The following RNF34 variants were observed in gnomAD, a reference collection of about 807,000 sequenced individuals.
RNF34 encodes the protein ring finger protein 34, also known as E3 ubiquitin-protein ligase RNF34.
RNF34 carries 12 observed loss-of-function variants against 37.9 expected under a neutral mutation model. That is an observed-to-expected ratio of 0.32 (90% CI 0.20 to 0.51). The LOEUF is 0.51. Ranked by LOEUF, RNF34 falls within the 20% of genes least tolerant of loss-of-function variation. The pLI is 0.97. For missense variants in RNF34, 362 were observed against 472.7 expected (o/e 0.77, Z 2.17); for synonymous variants, 155 against 177.2 (o/e 0.87, Z 1.00).
intron 1 of RNF34, among the ~76,000 whole-genome samples, chr12:121,404,545 C>T (rs1870337632): frequency 6.6e-6 from 1 of 151,838 alleles, no homozygotes; most frequent in Non-Finnish European, 1.5e-5. Flanking sequence ...CACCACCACA[C>T]CCAGCTAATT....
chr12:121,416,857 TTGG>T (rs1269622550), intron 2 of RNF34, among the ~76,000 whole-genome samples: 31 of 152,348 alleles, frequency 2.0e-4, no homozygotes, highest in African/African-American at 7.0e-4. Context: ...ACCCATCATA[TTGG>T]TAGGCCTCCT....
rs1160652872 is a variant in RNF34, at chr12:121,423,587, C to T, written c.*11C>T. 8 of 1,609,752 alleles carry T rather than the reference C, an allele frequency of 5.0e-6. No homozygotes were observed. The Admixed American group carries it at 6.7e-5, about 13-fold the overall frequency. On this transcript the variant is annotated 3_prime_UTR_variant, in exon 6 of 6. Coordinates refer to ENST00000361234, the MANE Select transcript of RNF34 (RefSeq NM_025126.4). The surrounding 1 kb of genome is among the most constrained non-coding windows in gnomAD (Gnocchi z 4.3). ...GTGTTCAAGTCCTGAAACAGGCTCC[C>T]CTCACCAGGACAGTCACCCCCAAAC...
At chr12:121,422,055 C>T (rs782399360) in intron 5 of RNF34, among the ~76,000 whole-genome samples, 95 of 152,286 alleles carry the variant, frequency 6.2e-4, no homozygotes, top group Admixed American at 1.0e-3. Flanking sequence ...GGTTTTCTGG[C>T]AGTGAGGGGA....
chr12:121,414,965 G>A (rs1593666349), intron 1 of RNF34, among the ~76,000 whole-genome samples: 1 of 152,136 alleles, frequency 6.6e-6, no homozygotes, highest in Non-Finnish European at 1.5e-5. Context: ...GCATGGTGGC[G>A]GATGCCTGTA....
At position 121,417,061 on chromosome 12, in the gene RNF34, T is replaced by C. The variant is rs985239237; in HGVS notation, c.226-443T>C. On this transcript the variant is annotated intron_variant, in intron 2 of 5. Coordinates refer to ENST00000361234, the MANE Select transcript of RNF34 (RefSeq NM_025126.4). The surrounding 1 kb of genome is among the most constrained non-coding windows in gnomAD (Gnocchi z 5.0). Reference sequence around the variant, plus strand: ...CTGTATTAGTGGGTCCTGTATTTTCTTGGATTCACCTTGAGAGATCAGTTG... The same window carrying C: ...CTGTATTAGTGGGTCCTGTATTTTCCTGGATTCACCTTGAGAGATCAGTTG... 6.6e-6 allele frequency among the ~76,000 whole-genome samples: 1 copy of C among 152,256 alleles called. No homozygotes were observed. The highest frequency in any genetic ancestry group is 6.5e-5 in the Admixed American group (1 of 15,278).
At chr12:121,403,499 A>G (rs1394882099) in intron 1 of RNF34, among the ~76,000 whole-genome samples, 1 of 152,162 alleles carries the variant, frequency 6.6e-6, no homozygotes. Flanking sequence ...GTTTAACCTA[A>G]CCAAGATTAA....
chr12:121,406,696 G>A (rs969735473), intron 1 of RNF34, among the ~76,000 whole-genome samples: 1 of 152,192 alleles, frequency 6.6e-6, no homozygotes, highest in Non-Finnish European at 1.5e-5. Flanking sequence ...AGAGTGGGTA[G>A]GAAAGGGATT....
chr12:121,417,784 C>G lies in RNF34; in HGVS notation c.506C>G (p.Ser169Cys). The change falls in exon 3 of 6, where the codon TCC becomes TGC. Residue 169 changes from serine (S) to cysteine (C), a missense_variant. By Grantham distance (112) the Ser-to-Cys change is moderately radical. Transcript: ENST00000361234. This position sits in a 1 kb window ranked among gnomAD's most constrained non-coding sequence, Gnocchi z 5.0. ...MDTSSLNSSR[S>C]QTSSFFTRSF... ...ACAAGCAGTCTGAATTCTTCAAGGT[C>G]CCAGACTTCTAGCTTTTTTACACGT... 6.2e-7 allele frequency: 1 copy of G among 1,614,156 alleles called. No homozygotes were observed. The highest frequency in any genetic ancestry group is 8.5e-7 in the Non-Finnish European group (1 of 1,180,024).
In RNF34 at chr12:121,423,088, C is replaced by T. The variant is rs1223972429; in HGVS notation, c.929-298C>T. Among the ~76,000 whole-genome samples, 1 of 152,200 alleles carries T rather than the reference C, an allele frequency of 6.6e-6. No individual in the cohort carries two copies. The highest frequency in any genetic ancestry group is 1.5e-5 in the Non-Finnish European group (1 of 68,034). ...TTCTAGTTACAGAAGTAATATATCCCTATCACAGATGTCTTGAATTAGACA... is the reference window on the plus strand; with the variant it reads ...TTCTAGTTACAGAAGTAATATATCCTTATCACAGATGTCTTGAATTAGACA... On this transcript the variant is annotated intron_variant, in intron 5 of 5. Coordinates refer to ENST00000361234, the MANE Select transcript of RNF34 (RefSeq NM_025126.4). The surrounding 1 kb of genome is among the most constrained non-coding windows in gnomAD (Gnocchi z 4.3).
At chr12:121,400,310 T>TAG in intron 1 of RNF34, 92 bp downstream of exon 1, 5 of 1,443,592 alleles carry the variant, frequency 3.5e-6, no homozygotes, top group Non-Finnish European at 4.7e-6. Context: ...CCTTAGCGGT[T>TAG]ACCTAGTCGT....
rs1872317987 is a variant in RNF34, at chr12:121,423,240, G to A, written c.929-146G>A. The stretch of plus-strand genomic sequence containing the variant: ...GTGGAGAGAACCAAAGTGCAGAGAA[G>A]TTGGGATTATTTCTTGTACAACACT... On this transcript the variant is annotated intron_variant, in intron 5 of 5. Transcript: ENST00000361234. The surrounding 1 kb of genome is among the most constrained non-coding windows in gnomAD (Gnocchi z 4.3). 1.7e-6 allele frequency: 1 copy of A among 586,084 alleles called. No homozygotes were observed. Among genetic ancestry groups the A allele is most frequent in the Admixed American group, 3.2e-5 (1 of 31,188 alleles). 36.3% of individuals were successfully genotyped at this position (586,084 alleles called of 1,614,324 possible).
At chr12:121,405,217 TGTCA>T (rs1220894064) in intron 1 of RNF34, 3 of 152,374 alleles carry the variant, frequency 2.0e-5, no homozygotes, top group Non-Finnish European at 2.9e-5. Flanking sequence ...GGAGAAACAC[TGTCA>T]GTCTCTGCTA....
At position 121,400,151 on chromosome 12, in the gene RNF34, T is replaced by C. The variant is rs1402499233; in HGVS notation, c.-62T>C. On this transcript the variant is annotated 5_prime_UTR_variant, in exon 1 of 6. Transcript: ENST00000361234. ...CCCAGAGGGAAGGAGGTCGGCAGTG[T>C]GAGGAGCTGCTATGGTGCTGAGTTT... 1 of 1,587,154 alleles carries C rather than the reference T, an allele frequency of 6.3e-7. No individual in the cohort carries two copies.
intron 1 of RNF34, among the ~76,000 whole-genome samples, chr12:121,412,066 T>C (rs1555281421): frequency 6.6e-6 from 1 of 152,036 alleles, no homozygotes; most frequent in Non-Finnish European, 1.5e-5. Context: ...ACTTTATTAT[T>C]ATTAATTTTT....
intron 1 of RNF34, among the ~76,000 whole-genome samples, chr12:121,402,422 T>G (rs1428705938): frequency 6.6e-6 from 1 of 152,242 alleles, no homozygotes; most frequent in Non-Finnish European, 1.5e-5. Flanking sequence ...GGGTATTTAC[T>G]TTCTCCCTTT....
intron 1 of RNF34, among the ~76,000 whole-genome samples, chr12:121,411,834 G>C (rs1040497626): frequency 2.0e-5 from 3 of 152,180 alleles, no homozygotes; most frequent in Non-Finnish European, 4.4e-5. Flanking sequence ...AGAGCTGTTG[G>C]TTTAGTAGCT....
At chr12:121,413,727 C>T (rs906127542) in intron 1 of RNF34, among the ~76,000 whole-genome samples, 1 of 151,950 alleles carries the variant, frequency 6.6e-6, no homozygotes, top group African/African-American at 2.4e-5. Context: ...ACAGGCCCCA[C>T]CAGCATGCCC....
intron 1 of RNF34, among the ~76,000 whole-genome samples, chr12:121,410,612 C>T (rs1464529874): frequency 6.6e-6 from 1 of 152,064 alleles, no homozygotes; most frequent in African/African-American, 2.4e-5. Flanking sequence ...AGGGGCTTCC[C>T]CTGCTTCAAA....
chr12:121,419,610 G>C (rs79172008), intron 3 of RNF34, among the ~76,000 whole-genome samples: 13,553 of 152,208 alleles, frequency 0.089, 719 homozygotes, highest in South Asian at 0.23. Context: ...AACCGACCTA[G>C]CTTATTGGAG....
Sources: allele counts gnomAD v4.1 joint callset (sites outside exome capture counted in the v4.1 genomes callset), GRCh38; gene constraint gnomAD v4.1.1; non-coding constraint Gnocchi (gnomAD v3.1); transcripts MANE v1.5; gene names NCBI Gene and HGNC (gene_info 2026-07-23, HGNC 2026-07-21).